Variants in NELL1 observed in about 807,000 individuals in gnomAD.
NELL1 encodes the protein neural EGFL like 1, also known as protein kinase C-binding protein NELL1.
NELL1 carries 76 observed loss-of-function variants against 107.4 expected under a neutral mutation model. The ratio of observed to expected loss-of-function variants is 0.71; its 90% CI spans 0.59 to 0.86. The LOEUF (loss-of-function observed/expected upper bound fraction) is 0.86. Ranked by LOEUF, NELL1 falls within the 40% of genes least tolerant of loss-of-function variation. The pLI is 0.00. For missense variants in NELL1, 1,024 were observed against 1,005.5 expected (o/e 1.02, Z -0.25); for synonymous variants, 353 against 341.2 (o/e 1.03, Z -0.38).
Position 20,669,636 on chromosome 11 carries a change from G to T in NELL1, c.-88G>T. On this transcript the variant is annotated 5_prime_UTR_variant, in exon 1 of 20. Transcript: ENST00000357134. The surrounding 1 kb of genome is among the most constrained non-coding windows in gnomAD (Gnocchi z 4.4). ...CCGCCGCCCGCTAGCAAGTTTGGCG[G>T]CTCCAAGCCAGGCGCGCCTCAGGAT... is the stretch of plus-strand genomic sequence containing the variant. 5 of 1,191,762 alleles carry T rather than the reference G, an allele frequency of 4.2e-6. No homozygotes were observed. The South Asian group carries it at 5.1e-5, about 12-fold the overall frequency. The allele number at this position is 1,191,762 out of a possible 1,614,324, so 73.8% of individuals were successfully genotyped here.
intron 14 of NELL1, among the ~76,000 whole-genome samples, chr11:21,238,902 CTGTGAAAGGTGAT>C (rs1178648596): frequency 6.6e-6 from 1 of 152,008 alleles, no homozygotes; most frequent in Admixed American, 6.6e-5. Context: ...TTTTCTTCAC[CTGTGAAAGGTGAT>C]TGTAAAAGAA....
intron 15 of NELL1, among the ~76,000 whole-genome samples, chr11:21,434,832 T>G (rs1853066691): frequency 1.3e-5 from 2 of 152,258 alleles, no homozygotes; most frequent in African/African-American, 2.4e-5. Flanking sequence ...ATTCCATTTT[T>G]TTGTGTCCTC....
At chr11:21,335,162 C>T (rs1850361963) in intron 14 of NELL1, among the ~76,000 whole-genome samples, 1 of 151,952 alleles carries the variant, frequency 6.6e-6, no homozygotes, top group Non-Finnish European at 1.5e-5. Flanking sequence ...TTTAAAATAG[C>T]ATTTTAAATG....
At chr11:21,229,596 G>A in intron 14 of NELL1, 142 bp downstream of exon 14, 2 of 1,150,682 alleles carry the variant, frequency 1.7e-6, no homozygotes, top group South Asian at 3.1e-5. Context: ...CAAGGGTACT[G>A]TGCGTCAGGG....
chr11:20,967,491 T>G (rs796774708), intron 12 of NELL1, among the ~76,000 whole-genome samples: 43 of 152,258 alleles, frequency 2.8e-4, no homozygotes, highest in African/African-American at 9.9e-4. Context: ...ATCAGGTACT[T>G]TTCTCCCAAT....
At chr11:20,947,456 G>A in intron 11 of NELL1, 21 bp downstream of exon 11, 1 of 1,575,358 alleles carries the variant, frequency 6.3e-7, no homozygotes, top group Non-Finnish European at 8.7e-7. Context: ...TTGGTGGTGG[G>A]CCATGCGTGG....
intron 2 of NELL1, among the ~76,000 whole-genome samples, chr11:20,736,362 C>T (rs368779456): frequency 6.6e-5 from 10 of 152,210 alleles, no homozygotes; most frequent in South Asian, 6.2e-4. Flanking sequence ...AGCCCCTGGC[C>T]GAGCAGAGCA....
chr11:21,040,251 G>T (rs1460375465), intron 12 of NELL1, among the ~76,000 whole-genome samples: 6 of 151,716 alleles, frequency 4.0e-5, no homozygotes, highest in Admixed American at 3.3e-4. Flanking sequence ...TCAATTGAAT[G>T]GTTGAACAAT....
intron 15 of NELL1, among the ~76,000 whole-genome samples, chr11:21,453,532 T>G (rs539229722): frequency 6.6e-6 from 1 of 152,258 alleles, no homozygotes. Flanking sequence ...TTACATGGCT[T>G]ACTTAAATGG....
intron 2 of NELL1, among the ~76,000 whole-genome samples, chr11:20,778,473 T>A: frequency 6.8e-6 from 1 of 146,296 alleles, no homozygotes; most frequent in African/African-American, 2.5e-5. Context: ...TCTTTCCTTC[T>A]CCAATCTCCT....
At chr11:21,118,804 C>A (rs1183187798) in intron 13 of NELL1, among the ~76,000 whole-genome samples, 2 of 151,770 alleles carry the variant, frequency 1.3e-5, no homozygotes, top group African/African-American at 4.8e-5. Flanking sequence ...CTTTCTTTTG[C>A]TGTTTTATGT....
At chr11:20,875,125 T>C (rs1338830094) in intron 4 of NELL1, among the ~76,000 whole-genome samples, 1 of 152,244 alleles carries the variant, frequency 6.6e-6, no homozygotes, top group Non-Finnish European at 1.5e-5. Context: ...CACAACATCC[T>C]TTTTGACAGC....
In NELL1 at chr11:20,720,587, A is replaced by AT. The variant is rs996648325; in HGVS notation, c.184+42533dup. On this transcript the variant is annotated intron_variant, in intron 2 of 19. Coordinates refer to ENST00000357134, the MANE Select transcript of NELL1 (RefSeq NM_006157.5). Reference sequence around the variant, plus strand: ...TTGACTAGGTGGCTTAGAAAACAGAATTTTTTCTTTCCATTTTTGGATGCT... The same window carrying AT: ...TTGACTAGGTGGCTTAGAAAACAGAATTTTTTTCTTTCCATTTTTGGATGCT... Among the ~76,000 whole-genome samples the AT allele has an allele frequency of 1.6e-4, 24 of 151,982 alleles. 1 individual carries two copies. Among genetic ancestry groups the AT allele is most frequent in the African/African-American group, 5.8e-4 (24 of 41,470 alleles).
At position 21,025,316 on chromosome 11, in the gene NELL1, G is replaced by T. The variant is rs78246161; in HGVS notation, c.1300+64756G>T. 1.1e-4 allele frequency among the ~76,000 whole-genome samples: 17 copies of T among 152,052 alleles called. No individual in the cohort carries two copies. In the East Asian group the frequency reaches 2.9e-3, roughly 26 times the overall value. ...ATTCTCACAATTCTGTAAGGTTGGT[G>T]CTATTCTCCTTATTTCATAGTTCAA... On this transcript the variant is annotated intron_variant, in intron 12 of 19. Coordinates refer to ENST00000357134, the MANE Select transcript of NELL1 (RefSeq NM_006157.5).
chr11:21,373,351 G>A (rs188268934), intron 15 of NELL1, among the ~76,000 whole-genome samples: 16 of 152,210 alleles, frequency 1.1e-4, no homozygotes, highest in African/African-American at 3.6e-4. Context: ...CCTTCAAATA[G>A]TTGTGCTAGA....
In NELL1 at chr11:20,997,140, C is replaced by T. The variant is rs554048014; in HGVS notation, c.1300+36580C>T. ...AAGTGTATTTCACAAAATTTGTCTA[C>T]TAATAAATACAATGTATGACTATAA... On this transcript the variant is annotated intron_variant, in intron 12 of 19. Coordinates refer to ENST00000357134, the MANE Select transcript of NELL1 (RefSeq NM_006157.5). 7.9e-4 allele frequency among the ~76,000 whole-genome samples: 120 copies of T among 152,214 alleles called. 1 individual carries two copies. The Middle Eastern group carries it at 0.014, about 17-fold the overall frequency.
intron 13 of NELL1, among the ~76,000 whole-genome samples, chr11:21,211,852 GTC>G (rs1358973265): frequency 2.6e-5 from 4 of 152,150 alleles, no homozygotes; most frequent in African/African-American, 9.6e-5. Flanking sequence ...TTGAGATGGA[GTC>G]TCTCTCTGTC....
intron 12 of NELL1, among the ~76,000 whole-genome samples, chr11:21,035,463 C>G (rs553883122): frequency 1.4e-5 from 2 of 138,366 alleles, no homozygotes; most frequent in African/African-American, 2.7e-5. Context: ...AACATTGACG[C>G]AAAAATCCTA....
intron 15 of NELL1, among the ~76,000 whole-genome samples, chr11:21,447,277 G>A (rs1853456600): frequency 1.3e-5 from 2 of 152,136 alleles, no homozygotes; most frequent in Admixed American, 6.5e-5. Flanking sequence ...CTGTGGCTGA[G>A]CTTTTTCCTA....
Sources: gnomAD v4.1 joint callset for allele counts (sites outside exome capture counted in the v4.1 genomes callset) on GRCh38, gnomAD v4.1.1 for gene constraint, Gnocchi (gnomAD v3.1) non-coding constraint, MANE v1.5 for transcripts, NCBI Gene and HGNC (gene_info 2026-07-23, HGNC 2026-07-21) for gene names.